The following EPC2 variants were observed in gnomAD, a reference collection of about 807,000 sequenced individuals.
EPC2 encodes enhancer of polycomb 2, also known as enhancer of polycomb homolog 2.
Under a neutral mutation model 92.1 loss-of-function variants are expected in EPC2, and 14 were observed. The observed-to-expected ratio is 0.15, with a 90% CI of 0.10 to 0.24. The LOEUF is 0.24. Among genes scored for constraint, EPC2 ranks in the 10% least tolerant of loss-of-function variants. EPC2 has a pLI of 1.00. For synonymous variants in EPC2, 340 were observed against 334.7 expected (o/e 1.02, Z -0.17); for missense variants, 755 against 971.5 (o/e 0.78, Z 2.96).
intron 2 of EPC2, among the ~76,000 whole-genome samples, chr2:148,728,402 A>G (rs1221095653): frequency 2.0e-5 from 3 of 151,512 alleles, no homozygotes; most frequent in African/African-American, 7.3e-5. Context: ...TCACTGCATA[A>G]TAGTCCATTG....
chr2:148,729,499 T>G (rs1682575768), intron 2 of EPC2, among the ~76,000 whole-genome samples: 1 of 152,202 alleles, frequency 6.6e-6, no homozygotes, highest in African/African-American at 2.4e-5. Context: ...TTACTTGAAT[T>G]TCTCTCAGGA....
intron 2 of EPC2, among the ~76,000 whole-genome samples, chr2:148,725,366 TTCTC>T (rs762788056): frequency 8.7e-4 from 132 of 152,234 alleles, no homozygotes; most frequent in Middle Eastern, 3.4e-3. Context: ...TCTCTGTCAC[TTCTC>T]TCTCTGTCAG....
intron 3 of EPC2, among the ~76,000 whole-genome samples, chr2:148,752,023 G>A (rs547270168): frequency 6.6e-6 from 1 of 152,244 alleles, no homozygotes; most frequent in Non-Finnish European, 1.5e-5. Flanking sequence ...ATTGTAAGCT[G>A]GAGCAAGAAG....
chr2:148,781,405 T>C (rs1435556413), intron 10 of EPC2, among the ~76,000 whole-genome samples: 1 of 152,222 alleles, frequency 6.6e-6, no homozygotes, highest in African/African-American at 2.4e-5. Flanking sequence ...AGAACTGTAT[T>C]ATTCAACAAA....
chr2:148,682,842 C>G (rs993127139), intron 1 of EPC2, among the ~76,000 whole-genome samples: 2 of 152,172 alleles, frequency 1.3e-5, no homozygotes, highest in Admixed American at 6.5e-5. Context: ...CAAGACTCCT[C>G]TCTGGTTTCC....
chr2:148,655,799 C>A (rs985348901), intron 1 of EPC2, among the ~76,000 whole-genome samples: 12 of 151,946 alleles, frequency 7.9e-5, no homozygotes, highest in Admixed American at 2.6e-4. Context: ...GATTTTATTC[C>A]CATTACTATA....
At chr2:148,777,951 A>C (rs955873846) in intron 10 of EPC2, among the ~76,000 whole-genome samples, 3 of 152,230 alleles carry the variant, frequency 2.0e-5, no homozygotes, top group Admixed American at 6.5e-5. Flanking sequence ...GTATGTTACT[A>C]ACGTCCTGAA....
At chr2:148,710,452 G>C (rs888471922) in intron 2 of EPC2, among the ~76,000 whole-genome samples, 2 of 152,134 alleles carry the variant, frequency 1.3e-5, no homozygotes, top group Non-Finnish European at 2.9e-5. Flanking sequence ...AATTCCTCAA[G>C]GATCTAGAAC....
intron 2 of EPC2, chr2:148,691,972 A>G: frequency 2.7e-6 from 1 of 366,326 alleles, no homozygotes; most frequent in East Asian, 6.9e-5. Flanking sequence ...CTTTTAATTG[A>G]TGGCAGTTTA....
Position 148,782,018 on chromosome 2 carries a change from G to C in EPC2, c.1857+238G>C, listed in dbSNP as rs111454127. On this transcript the variant is annotated intron_variant, in intron 11 of 13. Coordinates refer to ENST00000258484, the MANE Select transcript of EPC2 (RefSeq NM_015630.4). Reference sequence around the variant, plus strand: ...TATGGTATTTTAAATTTTTTGAAGGGTTGTTGAGAATTTATAGAAGTAATT... The same window carrying C: ...TATGGTATTTTAAATTTTTTGAAGGCTTGTTGAGAATTTATAGAAGTAATT... 7.0e-4 allele frequency among the ~76,000 whole-genome samples: 106 copies of C among 152,154 alleles called. 1 individual carries two copies. Among genetic ancestry groups the C allele is most frequent in the African/African-American group, 2.4e-3 (99 of 41,502 alleles).
intron 2 of EPC2, among the ~76,000 whole-genome samples, chr2:148,696,339 G>A (rs1029268798): frequency 6.6e-6 from 1 of 152,104 alleles, no homozygotes; most frequent in African/African-American, 2.4e-5. Context: ...CTAATCATTG[G>A]GTAGTCTGAG....
At chr2:148,717,106 A>G (rs1362231770) in intron 2 of EPC2, among the ~76,000 whole-genome samples, 1 of 148,922 alleles carries the variant, frequency 6.7e-6, no homozygotes, top group Non-Finnish European at 1.5e-5. Flanking sequence ...TTCTGATTAT[A>G]TTTATTTGAC....
chr2:148,742,088 A>G (rs556188798), intron 2 of EPC2, among the ~76,000 whole-genome samples: 22 of 152,286 alleles, frequency 1.4e-4, no homozygotes, highest in African/African-American at 4.8e-4. Context: ...CCTTCAGTCT[A>G]TATATTCCAT....
chr2:148,681,022 C>T (rs984436489), intron 1 of EPC2, among the ~76,000 whole-genome samples: 21 of 152,090 alleles, frequency 1.4e-4, no homozygotes, highest in African/African-American at 4.6e-4. Context: ...GAGACTTTAT[C>T]CTGTAGATGG....
At chr2:148,692,360 T>G (rs985957952) in intron 2 of EPC2, 1 of 153,496 alleles carries the variant, frequency 6.5e-6, no homozygotes, top group Non-Finnish European at 1.4e-5. Context: ...TGTGAGCTCC[T>G]TGAGGGCAGG....
At chr2:148,663,193 TGTATTATTA>T (rs1313289612) in intron 1 of EPC2, among the ~76,000 whole-genome samples, 24 of 98,644 alleles carry the variant, frequency 2.4e-4, no homozygotes, top group South Asian at 6.5e-4. Context: ...ACTGTGTTTT[TGTATTATTA>T]TTATTATTAT....
intron 3 of EPC2, among the ~76,000 whole-genome samples, chr2:148,750,189 A>T (rs1371546086): frequency 1.3e-5 from 2 of 152,110 alleles, no homozygotes; most frequent in Non-Finnish European, 1.5e-5. Context: ...TCAGAAAACT[A>T]TAGTGGAAAA....
chr2:148,648,226 G>A (rs1182960618), intron 1 of EPC2, among the ~76,000 whole-genome samples: 3 of 152,164 alleles, frequency 2.0e-5, no homozygotes, highest in Non-Finnish European at 4.4e-5. Context: ...TCCAATTGGA[G>A]TATTAGTTTT....
intron 10 of EPC2, among the ~76,000 whole-genome samples, chr2:148,772,894 T>C (rs916501776): frequency 3.3e-5 from 5 of 152,136 alleles, no homozygotes; most frequent in African/African-American, 1.2e-4. Flanking sequence ...TACTAAACAT[T>C]CTCAAAATAA....
Sources: gnomAD v4.1 joint callset for allele counts (sites outside exome capture counted in the v4.1 genomes callset) on GRCh38, gnomAD v4.1.1 for gene constraint, MANE v1.5 for transcripts, NCBI Gene and HGNC (gene_info 2026-07-23, HGNC 2026-07-21) for gene names.